TMTC2: variants seen among roughly 807,000 people sequenced by gnomAD.
TMTC2 encodes transmembrane O-mannosyltransferase targeting cadherins 2, also known as protein O-mannosyl-transferase TMTC2.
TMTC2 carries 43 observed loss-of-function variants against 82.4 expected under a neutral mutation model. The ratio of observed to expected loss-of-function variants is 0.52; its 90% CI spans 0.41 to 0.67. The LOEUF (loss-of-function observed/expected upper bound fraction) is 0.67. Among genes scored for constraint, TMTC2 ranks in the 30% least tolerant of loss-of-function variants. The pLI is 0.00. For missense variants in TMTC2, 919 were observed against 1,012.4 expected, an observed-to-expected ratio of 0.91 and a Z score of 1.25; for synonymous variants, 408 against 381.9, an observed-to-expected ratio of 1.07 and a Z score of -0.80.
chr12:83,010,008 G>A (rs1880383927), intron 8 of TMTC2, among the ~76,000 whole-genome samples: 1 of 152,126 alleles, frequency 6.6e-6, no homozygotes, highest in Non-Finnish European at 1.5e-5. Flanking sequence ...GAGTGATGGG[G>A]AGCAGCTGTA....
intron 1 of TMTC2, among the ~76,000 whole-genome samples, chr12:82,697,665 C>T (rs1036225517): frequency 2.0e-5 from 3 of 152,180 alleles, no homozygotes; most frequent in Non-Finnish European, 4.4e-5. Context: ...AGGCGATGAT[C>T]TCTATTTAAA....
At position 82,953,325 on chromosome 12, in the gene TMTC2, T is replaced by C. The variant is rs139173545; in HGVS notation, c.1599-11699T>C. Among the ~76,000 whole-genome samples the C allele has an allele frequency of 4.8e-3, 731 of 152,328 alleles. 5 individuals are homozygous for C. Among genetic ancestry groups the C allele is most frequent in the African/African-American group, 0.017 (704 of 41,580 alleles). On this transcript the variant is annotated intron_variant, in intron 4 of 11. Coordinates refer to ENST00000321196, the MANE Select transcript of TMTC2 (RefSeq NM_152588.3). ...TAGTTACTTAATTCCTAAGCTCTTG[T>C]GTCTCTCTAAATTTTGGAATTACTG...
chr12:83,114,333 A>G (rs1884689558), intron 11 of TMTC2, among the ~76,000 whole-genome samples: 1 of 152,096 alleles, frequency 6.6e-6, no homozygotes, highest in Admixed American at 6.6e-5. Flanking sequence ...CCATGCGAAA[A>G]CATAATCAGG....
At chr12:82,970,269 C>A (rs2137311674) in intron 7 of TMTC2, among the ~76,000 whole-genome samples, 1 of 152,366 alleles carries the variant, frequency 6.6e-6, no homozygotes, top group Admixed American at 6.5e-5. Context: ...ACATATTGGT[C>A]CAACTACTTA....
chr12:83,090,148 A>C (rs956274027), intron 11 of TMTC2, among the ~76,000 whole-genome samples: 1 of 152,238 alleles, frequency 6.6e-6, no homozygotes, highest in African/African-American at 2.4e-5. Context: ...GTGTGGCATT[A>C]ACATATCTAA....
intron 8 of TMTC2, among the ~76,000 whole-genome samples, chr12:83,015,864 G>C (rs1016996619): frequency 1.3e-5 from 2 of 152,186 alleles, no homozygotes; most frequent in Non-Finnish European, 2.9e-5. Context: ...GACTTGTTCT[G>C]CTGGTCATGT....
chr12:82,853,716 G>A (rs892433600), intron 1 of TMTC2, among the ~76,000 whole-genome samples: 6 of 152,278 alleles, frequency 3.9e-5, no homozygotes, highest in African/African-American at 1.2e-4. Flanking sequence ...TAAACAAAGC[G>A]TGCCTCACAG....
intron 1 of TMTC2, among the ~76,000 whole-genome samples, chr12:82,757,366 TAAC>T (rs1876384142): frequency 6.6e-6 from 1 of 152,228 alleles, no homozygotes; most frequent in African/African-American, 2.4e-5. Context: ...TTTAAAACGT[TAAC>T]ATTTGATTAA....
At chr12:82,879,299 G>A (rs910152859) in intron 2 of TMTC2, among the ~76,000 whole-genome samples, 4 of 152,128 alleles carry the variant, frequency 2.6e-5, no homozygotes, top group South Asian at 2.1e-4. Context: ...CTTTTTGGCC[G>A]GTTTCATGGA....
chr12:82,802,330 C>T (rs528807408), intron 1 of TMTC2, among the ~76,000 whole-genome samples: 1 of 152,214 alleles, frequency 6.6e-6, no homozygotes, highest in African/African-American at 2.4e-5. Flanking sequence ...GTGCCTCTCC[C>T]TCCACACCTC....
chr12:82,900,735 A>G (rs1873948506), intron 3 of TMTC2, among the ~76,000 whole-genome samples: 1 of 141,396 alleles, frequency 7.1e-6, no homozygotes, highest in Admixed American at 7.4e-5. Flanking sequence ...AGGAATATAT[A>G]TCTCTGGAAT....
intron 3 of TMTC2, among the ~76,000 whole-genome samples, chr12:82,910,682 G>A (rs960801199): frequency 2.6e-5 from 4 of 152,162 alleles, no homozygotes; most frequent in Non-Finnish European, 4.4e-5. Context: ...ATTTCCCATG[G>A]AGTCCGGCTG....
intron 2 of TMTC2, among the ~76,000 whole-genome samples, chr12:82,878,867 G>A (rs994605748): frequency 5.3e-5 from 8 of 152,064 alleles, no homozygotes; most frequent in Admixed American, 6.6e-5. Flanking sequence ...GCAAGGCCCT[G>A]TCTCTAAAAA....
intron 4 of TMTC2, among the ~76,000 whole-genome samples, chr12:82,944,901 A>G (rs552626505): frequency 3.9e-5 from 6 of 152,372 alleles, no homozygotes; most frequent in African/African-American, 1.4e-4. Context: ...CTTATGAAAT[A>G]TATGGACACA....
At chr12:82,937,760 A>T (rs1284554036) in intron 4 of TMTC2, among the ~76,000 whole-genome samples, 1 of 17,680 alleles carries the variant, frequency 5.7e-5, no homozygotes, top group Admixed American at 6.4e-4. Flanking sequence ...GTATATATAT[A>T]TATATATATA....
chr12:82,722,863 T>TA lies in TMTC2; in HGVS notation c.83+35200dup, dbSNP rs1874277609. On this transcript the variant is annotated intron_variant, in intron 1 of 11. Coordinates refer to ENST00000321196, the MANE Select transcript of TMTC2 (RefSeq NM_152588.3). ...AAAGAAAAAGTAGCTTCATTAACAT[T>TA]AAAAAATTCTGGGTCTTTCCCCTTG... Among the ~76,000 whole-genome samples, 3 of 152,196 alleles carry TA rather than the reference T, an allele frequency of 2.0e-5. No homozygotes were observed. The South Asian group carries it at 6.2e-4, about 32-fold the overall frequency.
At chr12:82,934,003 A>T (rs1353399421) in intron 4 of TMTC2, among the ~76,000 whole-genome samples, 2 of 152,172 alleles carry the variant, frequency 1.3e-5, no homozygotes, top group African/African-American at 4.8e-5. Flanking sequence ...GGATAATTTT[A>T]ATTTTTTTTC....
At chr12:82,937,702 G>GTA in intron 4 of TMTC2, among the ~76,000 whole-genome samples, 1 of 15,630 alleles carries the variant, frequency 6.4e-5, no homozygotes, top group African/African-American at 2.7e-4. Context: ...AATGTCAATG[G>GTA]TGTGTGTGTG....
rs3993367 is a variant in TMTC2 at position 82,897,963 on chromosome 12, G to GTA, written c.1483+1332_1483+1333dup. 2.9e-3 allele frequency among the ~76,000 whole-genome samples: 433 copies of GTA among 150,810 alleles called. 3 individuals are homozygous for GTA. The highest frequency in any genetic ancestry group is 3.7e-3 in the Non-Finnish European group (249 of 67,634). ...ATATGAAAATGGCCTGCTAATAGGTGTATATATATATATATAAAGACCTAG... is the reference window on the plus strand; with the variant it reads ...ATATGAAAATGGCCTGCTAATAGGTGTATATATATATATATATAAAGACCTAG... On this transcript the variant is annotated intron_variant, in intron 3 of 11. Transcript: ENST00000321196.
Sources: gnomAD v4.1 joint callset for allele counts (sites outside exome capture counted in the v4.1 genomes callset) on GRCh38, gnomAD v4.1.1 for gene constraint, MANE v1.5 for transcripts, NCBI Gene and HGNC (gene_info 2026-07-23, HGNC 2026-07-21) for gene names.